The following ITGBL1 variants were observed in gnomAD, a reference collection of about 807,000 sequenced individuals.
The protein encoded by ITGBL1 is integrin beta-like protein 1.
A neutral mutation model predicts 68.5 loss-of-function variants in ITGBL1; 51 were observed. The ratio of observed to expected loss-of-function variants is 0.74; its 90% CI spans 0.59 to 0.94. The LOEUF is 0.94. Ranked by LOEUF, ITGBL1 falls within the 40% of genes least tolerant of loss-of-function variation. ITGBL1 has a pLI of 0.00. For missense variants in ITGBL1, 649 were observed against 647.4 expected (o/e 1.00, Z -0.03); for synonymous variants, 209 against 227.3 (o/e 0.92, Z 0.72).
chr13:101,588,533 A>G (rs1339267691), intron 6 of ITGBL1, among the ~76,000 whole-genome samples: 1 of 152,156 alleles, frequency 6.6e-6, no homozygotes, highest in African/African-American at 2.4e-5. Flanking sequence ...GCATGGAAGC[A>G]TTGCATTTCA....
At chr13:101,646,943 A>G (rs1202975977) in intron 7 of ITGBL1, among the ~76,000 whole-genome samples, 2 of 152,162 alleles carry the variant, frequency 1.3e-5, no homozygotes, top group Non-Finnish European at 2.9e-5. Context: ...ATTGTATATA[A>G]TCCGTTAACA....
rs563909738 is a variant in ITGBL1, at chr13:101,590,341, T to A, written c.868+6985T>A. ...TATGCAACTTAAGAACGTTCTCCCT[T>A]CAGTCGTGTGTCTCCCTTTGTACCT... On this transcript the variant is annotated intron_variant, in intron 6 of 10. Transcript: ENST00000376180. Among the ~76,000 whole-genome samples, 5 of 152,278 alleles carry A rather than the reference T, an allele frequency of 3.3e-5. No homozygotes were observed. In the South Asian group the frequency reaches 1.0e-3, roughly 32 times the overall value.
At chr13:101,641,340 A>G (rs961507335) in intron 7 of ITGBL1, among the ~76,000 whole-genome samples, 2 of 152,048 alleles carry the variant, frequency 1.3e-5, no homozygotes, top group Admixed American at 6.6e-5. Flanking sequence ...AAATAAACAT[A>G]TATTTCTTTT....
At chr13:101,632,734 TTTTC>T (rs1470881906) in intron 7 of ITGBL1, among the ~76,000 whole-genome samples, 35 of 152,330 alleles carry the variant, frequency 2.3e-4, no homozygotes, top group African/African-American at 7.9e-4. Flanking sequence ...AAGATACACA[TTTTC>T]TTTCTTTACC....
chr13:101,577,303 T>A (rs1486173331), intron 4 of ITGBL1, among the ~76,000 whole-genome samples: 3 of 152,214 alleles, frequency 2.0e-5, no homozygotes, highest in African/African-American at 7.2e-5. Flanking sequence ...AGACATTTTC[T>A]TGCTCTATCA....
chr13:101,569,412 A>G (rs1468315214), intron 3 of ITGBL1, among the ~76,000 whole-genome samples: 1 of 152,178 alleles, frequency 6.6e-6, no homozygotes, highest in Non-Finnish European at 1.5e-5. Flanking sequence ...GTAGATGATA[A>G]AACATATTTG....
intron 2 of ITGBL1, among the ~76,000 whole-genome samples, chr13:101,476,171 C>T (rs1254262948): frequency 6.8e-6 from 1 of 146,428 alleles, no homozygotes; most frequent in African/African-American, 2.5e-5. Context: ...TAAATAGAAA[C>T]AATAAAAAGT....
intron 7 of ITGBL1, among the ~76,000 whole-genome samples, chr13:101,685,984 T>C (rs141501219): frequency 7.9e-4 from 120 of 152,204 alleles, no homozygotes; most frequent in Admixed American, 2.6e-3. Context: ...GTTGGGGTCA[T>C]TGGAGACATT....
At chr13:101,620,527 C>A (rs1473772403) in intron 7 of ITGBL1, among the ~76,000 whole-genome samples, 5 of 152,200 alleles carry the variant, frequency 3.3e-5, no homozygotes, top group Admixed American at 2.6e-4. Context: ...TGTCATGACC[C>A]AAGAGGGCTA....
At chr13:101,683,138 T>G (rs984817731) in intron 7 of ITGBL1, among the ~76,000 whole-genome samples, 2 of 152,062 alleles carry the variant, frequency 1.3e-5, no homozygotes, top group Admixed American at 1.3e-4. Context: ...GATTCAGAAA[T>G]AGAAGAATGC....
chr13:101,675,635 C>T (rs959089957), intron 7 of ITGBL1, among the ~76,000 whole-genome samples: 3 of 152,152 alleles, frequency 2.0e-5, no homozygotes, highest in Non-Finnish European at 4.4e-5. Context: ...AATCTATCTT[C>T]AAATATAATC....
chr13:101,586,932 G>C (rs2050567673), intron 6 of ITGBL1, among the ~76,000 whole-genome samples: 1 of 152,094 alleles, frequency 6.6e-6, no homozygotes, highest in Non-Finnish European at 1.5e-5. Flanking sequence ...TGATTATTGA[G>C]TATATTAATA....
rs1298257111 is a variant in ITGBL1 at position 101,604,877 on chromosome 13, T to TACACACACACAC, written c.1015+6579_1015+6580insCACACACACACA. On this transcript the variant is annotated intron_variant, in intron 7 of 10. Coordinates refer to ENST00000376180, the MANE Select transcript of ITGBL1 (RefSeq NM_004791.3). ...ATATATATATATATATATATATATA[T>TACACACACACAC]ATATATATATACACACACACACACA... Among the ~76,000 whole-genome samples, 3 of 21,688 alleles carry TACACACACACAC rather than the reference T, an allele frequency of 1.4e-4. No individual in the cohort carries two copies. The East Asian group carries it at 8.3e-3, about 60-fold the overall frequency. The allele number at this position is 21,688 out of a possible 152,430, so 14.2% of individuals were successfully genotyped here.
chr13:101,575,695 A>G (rs1350173466), intron 4 of ITGBL1, 149 bp downstream of exon 4: 2 of 796,834 alleles, frequency 2.5e-6, no homozygotes, highest in Non-Finnish European at 4.0e-6. Context: ...ACATAAGGAG[A>G]GTGAGACTAT....
intron 2 of ITGBL1, 36 bp downstream of exon 2, chr13:101,454,136 C>T (rs896305654): frequency 2.8e-6 from 4 of 1,444,486 alleles, no homozygotes; most frequent in Non-Finnish European, 3.7e-6. Context: ...CTCGGGAGGT[C>T]GAAACTCCTC....
chr13:101,592,599 C>T lies in ITGBL1; in HGVS notation c.869-5554C>T, dbSNP rs115243729. Among the ~76,000 whole-genome samples, 400 of 152,066 alleles carry T rather than the reference C, an allele frequency of 2.6e-3. 1 individual carries two copies. Among genetic ancestry groups the T allele is most frequent in the African/African-American group, 8.7e-3 (360 of 41,500 alleles). On this transcript the variant is annotated intron_variant, in intron 6 of 10. Transcript: ENST00000376180. Reference sequence around the variant, plus strand: ...CACTACCTAAGGTGATCTACAGATTCGTTGCAATTCCTATCAAAAGTCCCA... The same window carrying T: ...CACTACCTAAGGTGATCTACAGATTTGTTGCAATTCCTATCAAAAGTCCCA...
chr13:101,534,922 G>A (rs572812515), intron 2 of ITGBL1, among the ~76,000 whole-genome samples: 1 of 152,076 alleles, frequency 6.6e-6, no homozygotes. Context: ...TGTAACATAA[G>A]ATGTTCTGGT....
intron 9 of ITGBL1, chr13:101,712,080 G>A (rs972917081): frequency 6.6e-6 from 1 of 152,172 alleles, no homozygotes; most frequent in Non-Finnish European, 1.5e-5. Flanking sequence ...AACAGCTAGA[G>A]CGTTCTACAG....
intron 7 of ITGBL1, among the ~76,000 whole-genome samples, chr13:101,635,510 C>T (rs1210522611): frequency 6.6e-6 from 1 of 151,880 alleles, no homozygotes; most frequent in African/African-American, 2.4e-5. Context: ...AGTCTCAAAG[C>T]TTATTAAAGG....
Sources: gnomAD v4.1 joint callset for allele counts (sites outside exome capture counted in the v4.1 genomes callset) on GRCh38, gnomAD v4.1.1 for gene constraint, MANE v1.5 for transcripts, NCBI Gene and HGNC (gene_info 2026-07-23, HGNC 2026-07-21) for gene names.